Variants in SEPTIN14 observed in about 807,000 individuals in gnomAD.
The protein encoded by SEPTIN14 is septin-14.
Under a neutral mutation model 53.6 loss-of-function variants are expected in SEPTIN14, and 40 were observed. That is an observed-to-expected ratio of 0.75 (90% CI 0.58 to 0.97). The LOEUF (loss-of-function observed/expected upper bound fraction) is 0.97, where lower values mean the gene tolerates loss of function less well. Ranked by LOEUF, SEPTIN14 falls within the 50% of genes least tolerant of loss-of-function variation. The pLI, the probability that SEPTIN14 is intolerant of heterozygous loss-of-function variation, is 0.00. For missense variants in SEPTIN14, 471 were observed against 508.2 expected, an observed-to-expected ratio of 0.93 and a Z score of 0.70; for synonymous variants, 138 against 166.8, an observed-to-expected ratio of 0.83 and a Z score of 1.33.
intron 7 of SEPTIN14, 125 bp from the exon 8 acceptor site, chr7:55,807,383 TA>T: frequency 1.7e-6 from 1 of 593,300 alleles, no homozygotes; most frequent in Non-Finnish European, 2.8e-6. Context: ...ACAATTTGAT[TA>T]ATAGCTATAA....
In SEPTIN14 at chr7:55,825,613, C is replaced by T. The variant is rs569506856; in HGVS notation, c.721-6390G>A. Among the ~76,000 whole-genome samples the T allele has an allele frequency of 1.1e-4, 17 of 152,230 alleles. No homozygotes were observed. In the South Asian group the frequency reaches 3.5e-3, roughly 32 times the overall value. On this transcript the variant is annotated intron_variant, in intron 6 of 9. Transcript: ENST00000388975. Reference sequence around the variant, plus strand: ...AGGGCATTAAGATCTCTGTTCTTTCCACTCAATTTTTCTACAACCATAAAA... The same window carrying T: ...AGGGCATTAAGATCTCTGTTCTTTCTACTCAATTTTTCTACAACCATAAAA...
At chr7:55,852,414 G>T (rs566934120) in intron 2 of SEPTIN14, among the ~76,000 whole-genome samples, 15 of 152,122 alleles carry the variant, frequency 9.9e-5, no homozygotes, top group African/African-American at 3.6e-4. Flanking sequence ...TTTTGACGAA[G>T]GTGCTAATAG....
intron 6 of SEPTIN14, among the ~76,000 whole-genome samples, chr7:55,828,902 A>G (rs1033541126): frequency 1.3e-5 from 2 of 151,998 alleles, no homozygotes; most frequent in Non-Finnish European, 2.9e-5. Context: ...TATTCCCTCA[A>G]ATATGTTTCC....
intron 7 of SEPTIN14, among the ~76,000 whole-genome samples, chr7:55,812,458 A>C (rs1788719427): frequency 6.6e-6 from 1 of 152,176 alleles, no homozygotes; most frequent in South Asian, 2.1e-4. Flanking sequence ...GAAATGGAAA[A>C]TATTGATCAA....
chr7:55,844,453 T>C, intron 4 of SEPTIN14, 70 bp downstream of exon 4: 2 of 755,266 alleles, frequency 2.6e-6, no homozygotes, highest in Non-Finnish European at 4.1e-6. Flanking sequence ...CACAAATTAG[T>C]CTATGGCAAA....
At chr7:55,845,915 G>T (rs1789394197) in intron 3 of SEPTIN14, among the ~76,000 whole-genome samples, 1 of 149,726 alleles carries the variant, frequency 6.7e-6, no homozygotes, top group Non-Finnish European at 1.5e-5. Flanking sequence ...CGGGTGTATT[G>T]GCGGGCGCCT....
chr7:55,814,738 C>T (rs1412733363), intron 7 of SEPTIN14, among the ~76,000 whole-genome samples: 1 of 152,158 alleles, frequency 6.6e-6, no homozygotes, highest in African/African-American at 2.4e-5. Context: ...TCAAAGCAAT[C>T]TAAAGATTCA....
At chr7:55,811,725 C>CTG (rs930164158) in intron 7 of SEPTIN14, among the ~76,000 whole-genome samples, 1 of 151,638 alleles carries the variant, frequency 6.6e-6, no homozygotes, top group African/African-American at 2.4e-5. Context: ...TCTTGAACTC[C>CTG]TGACTTCAGG....
chr7:55,840,126 TAAA>T (rs1297159977), intron 5 of SEPTIN14, among the ~76,000 whole-genome samples: 11 of 113,646 alleles, frequency 9.7e-5, no homozygotes, highest in Non-Finnish European at 1.1e-4. Flanking sequence ...GCCTGGGCAT[TAAA>T]AAAAAAAAAA....
At chr7:55,810,538 G>A (rs1306649659) in intron 7 of SEPTIN14, among the ~76,000 whole-genome samples, 3 of 143,922 alleles carry the variant, frequency 2.1e-5, no homozygotes, top group East Asian at 2.1e-4. Flanking sequence ...TCAATGGCAC[G>A]ATCTTGGCTC....
Position 55,794,735 on chromosome 7 carries a change from C to T in SEPTIN14, c.*1178G>A, listed in dbSNP as rs1385715317. On this transcript the variant is annotated 3_prime_UTR_variant, in exon 10 of 10. Coordinates refer to ENST00000388975, the MANE Select transcript of SEPTIN14 (RefSeq NM_207366.3). Reference sequence around the variant, plus strand: ...GCGCAATCTCTGCTCACTACAACCTCTGCCTCCTGGCTACAAGCGATTCTC... The same window carrying T: ...GCGCAATCTCTGCTCACTACAACCTTTGCCTCCTGGCTACAAGCGATTCTC... The T allele has an allele frequency of 6.6e-6, 1 of 152,260 alleles. No individual in the cohort carries two copies. Among genetic ancestry groups the T allele is most frequent in the Non-Finnish European group, 1.5e-5 (1 of 68,102 alleles). 9.4% of individuals were successfully genotyped at this position (152,260 alleles called of 1,614,324 possible).
At chr7:55,811,208 A>G (rs2115974481) in intron 7 of SEPTIN14, 1 of 521,468 alleles carries the variant, frequency 1.9e-6, no homozygotes, top group Non-Finnish European at 3.9e-6. Context: ...CATGCCATTC[A>G]TCTTTGCGCA....
intron 6 of SEPTIN14, among the ~76,000 whole-genome samples, chr7:55,829,510 A>T (rs1207947928): frequency 6.6e-6 from 1 of 152,186 alleles, no homozygotes; most frequent in Admixed American, 6.6e-5. Context: ...TACAACTGAT[A>T]CCACAGAAAA....
At position 55,843,050 on chromosome 7, in the gene SEPTIN14, C is replaced by T; in HGVS notation, c.450G>A (p.Leu150=). 1 of 1,606,434 alleles carries T rather than the reference C, an allele frequency of 6.2e-7. No individual in the cohort carries two copies. The highest frequency in any genetic ancestry group is 2.2e-5 in the East Asian group (1 of 44,704). ...GGACGCGAGAATCATGGTACTCAAA[C>T]AAGGAACGTTTAATCTTCAGTTCTT... ...LQEELKIKRS[L]FEYHDSRVHV... is the part of the protein sequence containing the mutation. The change falls in exon 5 of 10, where the codon TTG becomes TTA. Residue 150 remains leucine (L), a synonymous_variant. Transcript: ENST00000388975.
chr7:55,817,154 A>G (rs564005073), intron 7 of SEPTIN14, among the ~76,000 whole-genome samples: 5 of 152,304 alleles, frequency 3.3e-5, no homozygotes, highest in Admixed American at 3.3e-4. Context: ...TGTGGCATAT[A>G]TACGCAATGG....
chr7:55,851,434 C>A (rs1265529934), intron 2 of SEPTIN14, among the ~76,000 whole-genome samples: 1 of 149,980 alleles, frequency 6.7e-6, no homozygotes, highest in East Asian at 2.0e-4. Context: ...TTTATCTTAA[C>A]AAAACATTAC....
intron 6 of SEPTIN14, among the ~76,000 whole-genome samples, chr7:55,821,532 C>T (rs1788896779): frequency 6.6e-6 from 1 of 152,168 alleles, no homozygotes; most frequent in African/African-American, 2.4e-5. Flanking sequence ...AGTTAGAGGT[C>T]TCACACTTCT....
chr7:55,811,705 G>A (rs922775649), intron 7 of SEPTIN14, among the ~76,000 whole-genome samples: 1 of 151,452 alleles, frequency 6.6e-6, no homozygotes, highest in Non-Finnish European at 1.5e-5. Context: ...CACCATGTTG[G>A]CCAGGCTGGT....
At position 55,850,519 on chromosome 7, in the gene SEPTIN14, G is replaced by A. The variant is rs143245601; in HGVS notation, c.55-3882C>T. The stretch of plus-strand genomic sequence containing the variant: ...ACACCTGGCAAAGACATCACAAAAA[G>A]AGAAAATTATACATTAATTTCTGTC... On this transcript the variant is annotated intron_variant, in intron 2 of 9. Transcript: ENST00000388975. Among the ~76,000 whole-genome samples, 150 of 152,132 alleles carry A rather than the reference G, an allele frequency of 9.9e-4. 2 individuals carry two copies. The highest frequency in any genetic ancestry group is 3.4e-3 in the African/African-American group (143 of 41,522).
Sources: gnomAD v4.1 joint callset for allele counts (sites outside exome capture counted in the v4.1 genomes callset) on GRCh38, gnomAD v4.1.1 for gene constraint, MANE v1.5 for transcripts, NCBI Gene and HGNC (gene_info 2026-07-23, HGNC 2026-07-21) for gene names.